The following SAMMSON variants were observed in gnomAD, a reference collection of about 807,000 sequenced individuals.
SAMMSON encodes the protein survival associated mitochondrial melanoma specific oncogenic non-coding RNA, also known as long intergenic non-protein coding RNA 1212.
chr3:70,165,723 A>G (rs2067634141), intron 4 of SAMMSON, among the ~76,000 whole-genome samples: 1 of 151,934 alleles, frequency 6.6e-6, no homozygotes, highest in African/African-American at 2.4e-5. Flanking sequence ...TAAGTAAAGG[A>G]TATGGAAGAT....
intron 4 of SAMMSON, among the ~76,000 whole-genome samples, chr3:70,231,375 A>C (rs1265951525): frequency 6.6e-6 from 1 of 152,196 alleles, no homozygotes; most frequent in Non-Finnish European, 1.5e-5. Context: ...TGTCAACGCA[A>C]ACTTGCGTTT....
rs1012591172 is a variant in SAMMSON, at chr3:70,232,625, C to T, written n.508-16482C>T. Among the ~76,000 whole-genome samples, 27 of 152,012 alleles carry T rather than the reference C, an allele frequency of 1.8e-4. 1 individual carries two copies. Among genetic ancestry groups the T allele is most frequent in the African/African-American group, 6.3e-4 (26 of 41,398 alleles). Reference sequence around the variant, plus strand: ...GTGTGGGCCAGGATGGTCTCAATCTCCTGAGCTCGTGATCCGCCCGCCTCA... The same window carrying T: ...GTGTGGGCCAGGATGGTCTCAATCTTCTGAGCTCGTGATCCGCCCGCCTCA... On this transcript the variant is annotated intron_variant and non_coding_transcript_variant, in intron 4 of 9. Coordinates refer to ENST00000642114, the Ensembl canonical transcript of SAMMSON.
At chr3:70,286,784 A>G (rs189664600) in intron 6 of SAMMSON, among the ~76,000 whole-genome samples, 1 of 152,208 alleles carries the variant, frequency 6.6e-6, no homozygotes, top group African/African-American at 2.4e-5. Flanking sequence ...CATCCCTTAT[A>G]AGTTGGATTC....
At chr3:70,007,438 A>C (rs1197070279) in intron 1 of SAMMSON, among the ~76,000 whole-genome samples, 1 of 152,078 alleles carries the variant, frequency 6.6e-6, no homozygotes, top group Non-Finnish European at 1.5e-5. Context: ...TGGCTGCATA[A>C]ATGTCTTCTT....
chr3:70,080,688 C>T (rs1324590654), intron 4 of SAMMSON, among the ~76,000 whole-genome samples: 2 of 151,020 alleles, frequency 1.3e-5, no homozygotes, highest in East Asian at 3.9e-4. Flanking sequence ...CAATCCCTGA[C>T]TCCGTTTTTT....
chr3:70,377,825 ATAGGCAAT>A lies in SAMMSON; in HGVS notation n.914-11747_914-11740del, dbSNP rs568256073. Reference sequence around the variant, plus strand: ...ATAGAAAAATGTTCAAAGAATATGAATAGGCAATTGACAGGAGAGGAAATTCAAAAGGC... The same window carrying A: ...ATAGAAAAATGTTCAAAGAATATGAATGACAGGAGAGGAAATTCAAAAGGC... On this transcript the variant is annotated intron_variant and non_coding_transcript_variant, in intron 9 of 9. Coordinates refer to ENST00000642114, the Ensembl canonical transcript of SAMMSON. Among the ~76,000 whole-genome samples, 278 of 152,194 alleles carry A rather than the reference ATAGGCAAT, an allele frequency of 1.8e-3. 2 individuals carry two copies. The highest frequency in any genetic ancestry group is 2.9e-4 in the Non-Finnish European group (20 of 67,926).
intron 4 of SAMMSON, among the ~76,000 whole-genome samples, chr3:70,162,975 T>G (rs2067622053): frequency 6.6e-6 from 1 of 151,908 alleles, no homozygotes; most frequent in African/African-American, 2.4e-5. Context: ...TGTTTTTTGT[T>G]TACTGTTTGC....
chr3:70,121,627 G>C (rs1167759685), intron 4 of SAMMSON, among the ~76,000 whole-genome samples: 6 of 152,130 alleles, frequency 3.9e-5, no homozygotes, highest in South Asian at 4.1e-4. Flanking sequence ...AAGCTTTTCA[G>C]TAACTTGGGG....
At chr3:70,202,896 G>C (rs146622252) in intron 4 of SAMMSON, among the ~76,000 whole-genome samples, 1 of 152,158 alleles carries the variant, frequency 6.6e-6, no homozygotes, top group East Asian at 1.9e-4. Context: ...TGGAAAAGGT[G>C]GCAATCCAAG....
intron 7 of SAMMSON, among the ~76,000 whole-genome samples, chr3:70,305,352 ATAAT>A (rs1457661533): frequency 3.3e-5 from 5 of 152,162 alleles, no homozygotes; most frequent in African/African-American, 1.2e-4. Flanking sequence ...ATAAGAGCTA[ATAAT>A]TCCATTACCT....
intron 2 of SAMMSON, among the ~76,000 whole-genome samples, chr3:70,430,963 A>G (rs1276599176): frequency 6.6e-6 from 1 of 152,088 alleles, no homozygotes; most frequent in Non-Finnish European, 1.5e-5. Flanking sequence ...TTCACCTGAG[A>G]AATTAATATA....
chr3:70,278,795 G>T (rs1702052983), intron 6 of SAMMSON, among the ~76,000 whole-genome samples: 1 of 152,004 alleles, frequency 6.6e-6, no homozygotes, highest in Admixed American at 6.6e-5. Context: ...AGTCACTTAT[G>T]TTTCCTATGC....
chr3:70,025,592 C>G (rs538048343), intron 3 of SAMMSON, among the ~76,000 whole-genome samples: 39 of 152,236 alleles, frequency 2.6e-4, no homozygotes, highest in Non-Finnish European at 4.6e-4. Flanking sequence ...AAATCCTGTT[C>G]CCAGAAAGAA....
intron 2 of SAMMSON, among the ~76,000 whole-genome samples, chr3:70,411,732 G>A (rs1359300535): frequency 1.3e-5 from 2 of 152,122 alleles, no homozygotes; most frequent in Non-Finnish European, 2.9e-5. Flanking sequence ...GCACTGTCTT[G>A]CCAGCCGCCA....
At chr3:70,306,855 T>C (rs925729444) in intron 7 of SAMMSON, among the ~76,000 whole-genome samples, 2 of 152,198 alleles carry the variant, frequency 1.3e-5, no homozygotes, top group African/African-American at 2.4e-5. Context: ...TTTTAGGTCA[T>C]ATGATTGGTG....
chr3:70,159,603 C>T (rs1436321742), intron 4 of SAMMSON: 3 of 151,682 alleles, frequency 2.0e-5, no homozygotes, highest in Non-Finnish European at 4.4e-5. Flanking sequence ...CGCTCTGTCA[C>T]CCAGGCTGGA....
intron 4 of SAMMSON, among the ~76,000 whole-genome samples, chr3:70,114,284 A>G (rs1289209120): frequency 1.3e-5 from 2 of 152,180 alleles, no homozygotes; most frequent in Non-Finnish European, 2.9e-5. Context: ...GAGCATTGCA[A>G]TGAGTAGATT....
At chr3:70,345,977 A>C (rs1017246658) in intron 7 of SAMMSON, among the ~76,000 whole-genome samples, 1 of 152,228 alleles carries the variant, frequency 6.6e-6, no homozygotes, top group African/African-American at 2.4e-5. Context: ...TATGTTTTCA[A>C]ATCAGTTTGA....
intron 4 of SAMMSON, among the ~76,000 whole-genome samples, chr3:70,128,306 AT>A (rs1216324741): frequency 6.6e-6 from 1 of 152,198 alleles, no homozygotes; most frequent in Non-Finnish European, 1.5e-5. Context: ...AAGAATGTGT[AT>A]ATTACTGATA....
Sources: gnomAD v4.1 joint callset for allele counts (sites outside exome capture counted in the v4.1 genomes callset) on GRCh38, gnomAD v4.1.1 for gene constraint, MANE v1.5 for transcripts, NCBI Gene and HGNC (gene_info 2026-07-23, HGNC 2026-07-21) for gene names.